The following LRMDA variants were observed in gnomAD, a reference collection of about 807,000 sequenced individuals.
LRMDA encodes the protein leucine-rich melanocyte differentiation-associated protein.
In LRMDA, 18 loss-of-function variants were observed where a neutral mutation model predicts 29.8. That is an observed-to-expected ratio of 0.60 (90% CI 0.42 to 0.90). The LOEUF (loss-of-function observed/expected upper bound fraction) is 0.90, where lower values mean the gene tolerates loss of function less well. Ranked by LOEUF, LRMDA falls within the 40% of genes least tolerant of loss-of-function variation. The pLI is 0.00. For synonymous variants in LRMDA, 125 were observed against 109.4 expected, an observed-to-expected ratio of 1.14 and a Z score of -0.89; for missense variants, 273 against 273.9, an observed-to-expected ratio of 1.00 and a Z score of 0.02.
intron 6 of LRMDA, among the ~76,000 whole-genome samples, chr10:76,477,826 TGCTGGGAAAACTG>T (rs1564552636): frequency 6.6e-6 from 1 of 152,138 alleles, no homozygotes; most frequent in Non-Finnish European, 1.5e-5. Flanking sequence ...TAACAAATGG[TGCTGGGAAAACTG>T]GCTAGCCATA....
At chr10:75,506,802 G>T (rs1313085682) in intron 2 of LRMDA, among the ~76,000 whole-genome samples, 5 of 152,224 alleles carry the variant, frequency 3.3e-5, no homozygotes, top group African/African-American at 1.2e-4. Context: ...TGAAAGCAGA[G>T]ATTCTTTCAG....
At chr10:75,608,544 A>G (rs1840988485) in intron 2 of LRMDA, among the ~76,000 whole-genome samples, 1 of 152,168 alleles carries the variant, frequency 6.6e-6, no homozygotes, top group Admixed American at 6.5e-5. Flanking sequence ...AATTAGTTTG[A>G]CTATAATGTT....
intron 5 of LRMDA, among the ~76,000 whole-genome samples, chr10:76,203,899 C>T (rs1421719301): frequency 6.7e-6 from 1 of 150,354 alleles, no homozygotes; most frequent in African/African-American, 2.5e-5. Context: ...TGGCCATCTA[C>T]CCATCTCTCC....
chr10:76,047,890 G>A (rs755601937), intron 4 of LRMDA, among the ~76,000 whole-genome samples: 3 of 152,334 alleles, frequency 2.0e-5, no homozygotes, highest in Middle Eastern at 3.4e-3. Flanking sequence ...CCAGCCATGC[G>A]CTTTGATGGG....
intron 2 of LRMDA, among the ~76,000 whole-genome samples, chr10:75,815,874 A>G (rs541570721): frequency 2.0e-5 from 3 of 152,356 alleles, no homozygotes; most frequent in African/African-American, 7.2e-5. Flanking sequence ...AATCCTGTGA[A>G]AAAGATACTG....
chr10:76,061,794 C>T (rs1477635449), intron 5 of LRMDA, among the ~76,000 whole-genome samples: 4 of 152,104 alleles, frequency 2.6e-5, no homozygotes, highest in South Asian at 2.1e-4. Flanking sequence ...GTGCCCAGGA[C>T]GATTCTTCTG....
intron 2 of LRMDA, among the ~76,000 whole-genome samples, chr10:75,795,428 A>C (rs1843636548): frequency 1.3e-5 from 2 of 152,100 alleles, no homozygotes; most frequent in Non-Finnish European, 2.9e-5. Context: ...AAAGAAGAAA[A>C]AGAAAAAGAA....
chr10:75,714,866 C>T, intron 2 of LRMDA, among the ~76,000 whole-genome samples: 1 of 127,036 alleles, frequency 7.9e-6, no homozygotes, highest in Non-Finnish European at 1.6e-5. Context: ...TCCCTTCCTT[C>T]CTTCCTTCCT....
At chr10:76,285,042 T>G (rs775886058) in intron 5 of LRMDA, among the ~76,000 whole-genome samples, 3 of 152,202 alleles carry the variant, frequency 2.0e-5, no homozygotes, top group Admixed American at 2.0e-4. Flanking sequence ...TTGATTTCCA[T>G]GTTTCCCCAT....
chr10:76,516,359 T>C (rs1393477487), intron 6 of LRMDA, among the ~76,000 whole-genome samples: 1 of 140,864 alleles, frequency 7.1e-6, no homozygotes, highest in African/African-American at 2.5e-5. Context: ...TTATTATTAT[T>C]ATACTTTAAG....
Position 75,548,202 on chromosome 10 carries a change from G to A in LRMDA, c.131+109708G>A, listed in dbSNP as rs558727810. Among the ~76,000 whole-genome samples the A allele has an allele frequency of 8.5e-5, 13 of 152,202 alleles. No individual in the cohort carries two copies. In the East Asian group the frequency reaches 9.7e-4, roughly 11 times the overall value. On this transcript the variant is annotated intron_variant, in intron 2 of 6. Transcript: ENST00000611255. ...TAAGGAAGTTATTTTGGGTTTGGTA[G>A]CAATGTTGTGAACTTTTCCAAAGAA...
intron 5 of LRMDA, among the ~76,000 whole-genome samples, chr10:76,168,239 C>A (rs912965149): frequency 1.3e-5 from 2 of 152,190 alleles, no homozygotes; most frequent in African/African-American, 4.8e-5. Flanking sequence ...AAAACCACAT[C>A]TATTTCCTGA....
intron 6 of LRMDA, among the ~76,000 whole-genome samples, chr10:76,440,442 A>G (rs1842289805): frequency 6.6e-6 from 1 of 152,172 alleles, no homozygotes; most frequent in South Asian, 2.1e-4. Flanking sequence ...CCCCATCTAG[A>G]CCTGAAATAA....
chr10:76,427,265 C>A (rs1842138384), intron 6 of LRMDA, among the ~76,000 whole-genome samples: 1 of 151,952 alleles, frequency 6.6e-6, no homozygotes, highest in South Asian at 2.1e-4. Flanking sequence ...TGTTTGTATC[C>A]TCTTTTATTT....
At chr10:75,526,837 T>G (rs989936952) in intron 2 of LRMDA, among the ~76,000 whole-genome samples, 3 of 148,318 alleles carry the variant, frequency 2.0e-5, no homozygotes, top group African/African-American at 5.1e-5. Flanking sequence ...CCAGCCTGGA[T>G]GGCAGAGCAA....
chr10:76,205,252 G>A (rs1284948715), intron 5 of LRMDA, among the ~76,000 whole-genome samples: 1 of 152,156 alleles, frequency 6.6e-6, no homozygotes, highest in Non-Finnish European at 1.5e-5. Context: ...AAATCTTGGG[G>A]TGAAAACACA....
At chr10:76,220,414 G>A (rs868733859) in intron 5 of LRMDA, among the ~76,000 whole-genome samples, 25 of 151,712 alleles carry the variant, frequency 1.6e-4, no homozygotes, top group Non-Finnish European at 2.7e-4. Context: ...TCAAATAGAC[G>A]CAATAAAAAA....
At chr10:76,342,078 A>G (rs1841048718) in intron 6 of LRMDA, among the ~76,000 whole-genome samples, 1 of 152,208 alleles carries the variant, frequency 6.6e-6, no homozygotes, top group Admixed American at 6.5e-5. Context: ...TTCCCCGGTA[A>G]TATACTGACT....
intron 2 of LRMDA, among the ~76,000 whole-genome samples, chr10:75,918,657 A>C (rs1564606599): frequency 6.6e-5 from 10 of 152,240 alleles, no homozygotes; most frequent in Admixed American, 5.2e-4. Flanking sequence ...TATATCAACT[A>C]TGATGCCTCC....
Sources: allele counts gnomAD v4.1 joint callset (sites outside exome capture counted in the v4.1 genomes callset), GRCh38; gene constraint gnomAD v4.1.1; transcripts MANE v1.5; gene names NCBI Gene and HGNC (gene_info 2026-07-23, HGNC 2026-07-21).